The following PRDX6 variants were observed in gnomAD, a reference collection of about 807,000 sequenced individuals.
PRDX6 encodes peroxiredoxin-6.
A neutral mutation model predicts 20.0 loss-of-function variants in PRDX6; 13 were observed. The ratio of observed to expected loss-of-function variants is 0.65; its 90% CI spans 0.42 to 1.03. The LOEUF (loss-of-function observed/expected upper bound fraction) is 1.03. Among genes scored for constraint, PRDX6 ranks in the 50% least tolerant of loss-of-function variants. The pLI, the probability that PRDX6 is intolerant of heterozygous loss-of-function variation, is 0.00. For missense variants in PRDX6, 203 were observed against 276.9 expected, an observed-to-expected ratio of 0.73 and a Z score of 1.89; for synonymous variants, 85 against 100.8, an observed-to-expected ratio of 0.84 and a Z score of 0.94.
chr1:173,479,022 G>A (rs900113444), intron 1 of PRDX6, among the ~76,000 whole-genome samples: 6 of 152,114 alleles, frequency 3.9e-5, no homozygotes, highest in Admixed American at 3.3e-4. Flanking sequence ...ATTTCTACCT[G>A]CAGCCCTCAT....
intron 3 of PRDX6, among the ~76,000 whole-genome samples, chr1:173,486,054 T>A (rs1255242455): frequency 1.3e-5 from 2 of 152,242 alleles, no homozygotes; most frequent in Non-Finnish European, 2.9e-5. Context: ...TAGAATTCCC[T>A]TCTACGTTTA....
intron 2 of PRDX6, 95 bp downstream of exon 2, chr1:173,481,577 C>A: frequency 1.5e-6 from 2 of 1,303,334 alleles, no homozygotes; most frequent in Non-Finnish European, 1.1e-6. Flanking sequence ...ACAAGTAAGC[C>A]TTAGGTTCAA....
intron 2 of PRDX6, among the ~76,000 whole-genome samples, chr1:173,482,890 A>G (rs1266785688): frequency 6.6e-6 from 1 of 152,204 alleles, no homozygotes; most frequent in Non-Finnish European, 1.5e-5. Flanking sequence ...TTGCAGTTGA[A>G]CATACTTTTT....
At chr1:173,483,544 C>A (rs1010196470) in intron 2 of PRDX6, among the ~76,000 whole-genome samples, 2 of 151,746 alleles carry the variant, frequency 1.3e-5, no homozygotes, top group Non-Finnish European at 2.9e-5. Flanking sequence ...GAGACTCCAC[C>A]TCAAAAAAAT....
chr1:173,481,484 T>G lies in PRDX6; in HGVS notation c.252+2T>G. ...GAGGACCATCTTGCCTGGAGCAAGG[T>G]TAGTATCAATTGGCATGTGCTTTGA... On this transcript the variant is annotated splice_donor_variant, in intron 2 of 4. Transcript: ENST00000340385. LOFTEE classifies it high-confidence loss of function. 1 of 1,613,352 alleles carries G rather than the reference T, an allele frequency of 6.2e-7. No homozygotes were observed. The highest frequency in any genetic ancestry group is 8.5e-7 in the Non-Finnish European group (1 of 1,179,320).
intron 2 of PRDX6, among the ~76,000 whole-genome samples, chr1:173,484,202 A>G (rs1658858797): frequency 6.8e-6 from 1 of 147,224 alleles, no homozygotes; most frequent in African/African-American, 2.5e-5. Flanking sequence ...ATACATATAT[A>G]TACATATGCA....
In PRDX6 at chr1:173,481,390, G is replaced by C. The variant is rs1395465675; in HGVS notation, c.160G>C (p.Ala54Pro). The C allele has an allele frequency of 1.2e-6, 2 of 1,613,378 alleles. No homozygotes were observed. Among genetic ancestry groups the C allele is most frequent in the African/African-American group, 2.7e-5 (2 of 74,912 alleles). Residue 54 changes from alanine (A) to proline (P), a missense_variant, in exon 2 of 5, where the codon GCT (alanine) becomes CCT (proline). Transcript: ENST00000340385. ...TPVCTTELGR[A>P]AKLAPEFAKR... ...AGTGTGCACCACAGAGCTTGGCAGAGCTGCAAAGCTGGCACCAGAATTTGC... is the reference window on the plus strand; with the variant it reads ...AGTGTGCACCACAGAGCTTGGCAGACCTGCAAAGCTGGCACCAGAATTTGC...
In PRDX6 at chr1:173,485,380, G is replaced by A; in HGVS notation, c.272G>A (p.Cys91Tyr). 6.2e-7 allele frequency: 1 copy of A among 1,601,668 alleles called. No individual in the cohort carries two copies. Among genetic ancestry groups the A allele is most frequent in the Non-Finnish European group, 8.5e-7 (1 of 1,173,724 alleles). Residue 91 changes from cysteine to tyrosine, a missense_variant, in exon 3 of 5, where the codon TGT becomes TAT. By Grantham distance (194) the Cys-to-Tyr change is radical. Transcript: ENST00000340385. ...AWSKDINAYN[C>Y]EEPTEKLPFP... Reference sequence around the variant, plus strand: ...TTTCAGGATATCAATGCTTACAATTGTGAAGAGCCCACAGAAAAGTTACCT... The same window carrying A: ...TTTCAGGATATCAATGCTTACAATTATGAAGAGCCCACAGAAAAGTTACCT...
At chr1:173,487,644 C>A in intron 4 of PRDX6, 91 bp from the exon 5 acceptor site, 2 of 1,415,254 alleles carry the variant, frequency 1.4e-6, no homozygotes, top group South Asian at 1.3e-5. Flanking sequence ...GTCTCATTAG[C>A]ACCTGTAGCT....
intron 1 of PRDX6, among the ~76,000 whole-genome samples, chr1:173,478,182 G>T (rs1658737816): frequency 6.6e-6 from 1 of 152,234 alleles, no homozygotes; most frequent in African/African-American, 2.4e-5. Context: ...GCCAAGATAT[G>T]ATTTGATAAC....
At chr1:173,482,959 C>T (rs1222985967) in intron 2 of PRDX6, among the ~76,000 whole-genome samples, 1 of 152,148 alleles carries the variant, frequency 6.6e-6, no homozygotes, top group Non-Finnish European at 1.5e-5. Flanking sequence ...AGATTTCAAC[C>T]TCAAATCAAT....
rs1170246361 is a variant in PRDX6 at position 173,487,863 on chromosome 1, A to C, written c.675A>C (p.Ter225TyrextTer25). Residue 225 changes from the stop codon to tyrosine, a stop_lost, in exon 5 of 5, where the codon TAA (stop) becomes TAC (tyrosine). Coordinates refer to ENST00000340385, the MANE Select transcript of PRDX6 (RefSeq NM_004905.3). Reference protein sequence around the residue: ...KKYLRYTPQP* With the variant: ...KKYLRYTPQPY ...ACCTCCGCTACACACCCCAGCCTTA[A>C]GTCTCTTGGAGAAGCTGGTGCTGTG... 12 of 1,612,180 alleles carry C rather than the reference A, an allele frequency of 7.4e-6. No homozygotes were observed. Among genetic ancestry groups the C allele is most frequent in the Non-Finnish European group, 1.0e-5 (12 of 1,179,916 alleles).
chr1:173,483,237 T>C (rs1255434947), intron 2 of PRDX6, among the ~76,000 whole-genome samples: 2 of 152,214 alleles, frequency 1.3e-5, no homozygotes, highest in African/African-American at 4.8e-5. Flanking sequence ...TTAGAAGTTT[T>C]CAGAATTGTG....
intron 4 of PRDX6, 116 bp downstream of exon 4, chr1:173,486,517 T>C (rs1475831515): frequency 8.8e-7 from 1 of 1,141,708 alleles, no homozygotes; most frequent in African/African-American, 1.6e-5. Flanking sequence ...GGGAGGATTT[T>C]TCCTCATGGC....
chr1:173,488,173 GT>G lies in PRDX6; in HGVS notation c.*312del. 4.4e-6 allele frequency: 1 copy of G among 226,330 alleles called. No homozygotes were observed. Among genetic ancestry groups the G allele is most frequent in the Non-Finnish European group, 8.6e-6 (1 of 115,950 alleles). The allele number at this position is 226,330 out of a possible 1,614,324, so 14.0% of individuals were successfully genotyped here. A position where few individuals can be genotyped will look rare whatever the true frequency, so the allele number is the denominator to read the frequency against. On this transcript the variant is annotated 3_prime_UTR_variant, in exon 5 of 5. Coordinates refer to ENST00000340385, the MANE Select transcript of PRDX6 (RefSeq NM_004905.3). ...ACCAATGAAGTCATATTTGTTGATG[GT>G]TGACAAAGCTTGCTTCACTCCATCA...
chr1:173,486,462 CA>C lies in PRDX6; in HGVS notation c.546+63del, dbSNP rs1401378641. ...CCTGAAGGGCCAGTCTCTAAATGGC[CA>C]ACTTCAAGGTCTGTGTTACCTGTTT... On this transcript the variant is annotated intron_variant, in intron 4 of 4. Transcript: ENST00000340385. 2.6e-6 allele frequency: 4 copies of C among 1,527,156 alleles called. No individual in the cohort carries two copies. The African/African-American group carries it at 5.5e-5, about 21-fold the overall frequency. 94.6% of individuals were successfully genotyped at this position (1,527,156 alleles called of 1,614,324 possible).
At chr1:173,479,330 G>A (rs1269293018) in intron 1 of PRDX6, among the ~76,000 whole-genome samples, 1 of 152,214 alleles carries the variant, frequency 6.6e-6, no homozygotes, top group Non-Finnish European at 1.5e-5. Flanking sequence ...ACCGGGAAGA[G>A]AAGTTTGAGC....
Position 173,483,476 on chromosome 1 carries a change from G to A in PRDX6, c.253-1885G>A, listed in dbSNP as rs34128582. Among the ~76,000 whole-genome samples the A allele has an allele frequency of 4.7e-3, 714 of 152,232 alleles. 4 individuals carry two copies. The highest frequency in any genetic ancestry group is 0.016 in the African/African-American group (681 of 41,508). On this transcript the variant is annotated intron_variant, in intron 2 of 4. Transcript: ENST00000340385. The stretch of plus-strand genomic sequence containing the variant: ...TGAGGCAGGAGAATGGCTTGAACCC[G>A]AGAGGTGGAGGCTGCAGTGAGCTGA...
intron 1 of PRDX6, among the ~76,000 whole-genome samples, chr1:173,479,322 C>T (rs1012699390): frequency 2.0e-5 from 3 of 152,226 alleles, no homozygotes; most frequent in East Asian, 1.9e-4. Context: ...CCTACCTTAC[C>T]GGGAAGAGAA....
Sources: allele counts gnomAD v4.1 joint callset (sites outside exome capture counted in the v4.1 genomes callset), GRCh38; gene constraint gnomAD v4.1.1; transcripts MANE v1.5; gene names NCBI Gene and HGNC (gene_info 2026-07-23, HGNC 2026-07-21).